WHRN: variants seen among roughly 807,000 people sequenced by gnomAD.
WHRN encodes the protein CASK-interacting protein CIP98.
WHRN carries 41 observed loss-of-function variants against 68.3 expected under a neutral mutation model. That is an observed-to-expected ratio of 0.60 (90% confidence interval 0.47 to 0.78). The LOEUF is 0.78. Ranked by LOEUF, WHRN falls within the 30% of genes least tolerant of loss-of-function variation. The pLI is 0.00. For synonymous variants in WHRN, 560 were observed against 561.3 expected (o/e 1.00, Z 0.03); for missense variants, 1,243 against 1,244.7 (o/e 1.00, Z 0.02).
chr9:114,439,947 C>T (rs1743893654), intron 3 of WHRN, among the ~76,000 whole-genome samples: 1 of 152,252 alleles, frequency 6.6e-6, no homozygotes, highest in Non-Finnish European at 1.5e-5. Context: ...CGGAGTCTCT[C>T]TGTCGCCCAG....
chr9:114,418,619 C>T (rs1262890035), intron 7 of WHRN, among the ~76,000 whole-genome samples: 1 of 152,234 alleles, frequency 6.6e-6, no homozygotes, highest in African/African-American at 2.4e-5. Flanking sequence ...TGCCCCCGTA[C>T]TCCCTCTGCT....
intron 1 of WHRN, among the ~76,000 whole-genome samples, chr9:114,489,480 G>A (rs10982250): frequency 2.0e-4 from 27 of 132,992 alleles, no homozygotes; most frequent in Admixed American, 9.1e-4. Flanking sequence ...ACACACACAC[G>A]CACACACACG....
intron 1 of WHRN, chr9:114,503,792 GAAAAACA>G (rs1331117407): frequency 8.3e-6 from 2 of 239,560 alleles, no homozygotes; most frequent in Non-Finnish European, 1.6e-5. Flanking sequence ...CTGTTTCAGG[GAAAAACA>G]AAAAACAAAA....
chr9:114,496,167 C>T (rs1211812838), intron 1 of WHRN, among the ~76,000 whole-genome samples: 1 of 152,088 alleles, frequency 6.6e-6, no homozygotes, highest in Non-Finnish European at 1.5e-5. Context: ...CTGGGGAGGC[C>T]ATCAGGGAAG....
In WHRN at chr9:114,505,182, C is replaced by A; in HGVS notation, c.-381G>T. The A allele has an allele frequency of 5.0e-6, 1 of 201,062 alleles. No individual in the cohort carries two copies. The highest frequency in any genetic ancestry group is 9.8e-6 in the Non-Finnish European group (1 of 101,634). The allele number at this position is 201,062 out of a possible 1,614,324, so 12.5% of individuals were successfully genotyped here. A position where few individuals can be genotyped will look rare whatever the true frequency, so the allele number is the denominator to read the frequency against. On this transcript the variant is annotated 5_prime_UTR_variant, in exon 1 of 12. Transcript: ENST00000362057. ...GACGGGTGGCTGGAGTTTGGGGGCGCCGCAAAGCTGACCTGACTGCCCCGT... is the reference window on the plus strand; with the variant it reads ...GACGGGTGGCTGGAGTTTGGGGGCGACGCAAAGCTGACCTGACTGCCCCGT...
intron 3 of WHRN, among the ~76,000 whole-genome samples, chr9:114,463,088 T>C (rs142516335): frequency 6.6e-6 from 1 of 152,360 alleles, no homozygotes; most frequent in African/African-American, 2.4e-5. Flanking sequence ...AAGGACACTA[T>C]GGCACCACAC....
intron 2 of WHRN, among the ~76,000 whole-genome samples, chr9:114,468,009 G>A (rs139414785): frequency 1.6e-4 from 25 of 152,316 alleles, no homozygotes; most frequent in African/African-American, 5.3e-4. Context: ...CCCTTTAAAT[G>A]TGTTATCTCA....
At chr9:114,451,532 T>C (rs1839332287) in intron 3 of WHRN, among the ~76,000 whole-genome samples, 2 of 152,148 alleles carry the variant, frequency 1.3e-5, no homozygotes, top group African/African-American at 2.4e-5. Flanking sequence ...ATCAGAAATA[T>C]CACTGTGGGG....
intron 1 of WHRN, among the ~76,000 whole-genome samples, chr9:114,480,414 G>C (rs371642075): frequency 5.9e-5 from 9 of 152,140 alleles, no homozygotes; most frequent in Non-Finnish European, 8.8e-5. Context: ...AGGCCTTTAG[G>C]GGGTAACTGG....
intron 1 of WHRN, among the ~76,000 whole-genome samples, chr9:114,499,785 C>T (rs1428605190): frequency 1.3e-5 from 2 of 152,154 alleles, no homozygotes; most frequent in Admixed American, 6.5e-5. Context: ...TCCAATTGGT[C>T]GGGGGGTTAA....
chr9:114,405,409 A>AT (rs1022614743), intron 9 of WHRN, among the ~76,000 whole-genome samples: 1 of 152,202 alleles, frequency 6.6e-6, no homozygotes, highest in African/African-American at 2.4e-5. Context: ...CAGTTTGTTC[A>AT]TTTGTAAAAT....
intron 7 of WHRN, among the ~76,000 whole-genome samples, chr9:114,415,289 A>G (rs1351804944): frequency 6.7e-6 from 1 of 150,016 alleles, no homozygotes; most frequent in Non-Finnish European, 1.5e-5. Context: ...AAAAAAAAAC[A>G]CAAACAGGAT....
chr9:114,482,533 TG>T (rs1202492435), intron 1 of WHRN, among the ~76,000 whole-genome samples: 1 of 151,954 alleles, frequency 6.6e-6, no homozygotes, highest in Non-Finnish European at 1.5e-5. Context: ...CAGGGCACCG[TG>T]GGTTAAATGA....
Position 114,480,050 on chromosome 9 carries a change from G to A in WHRN, c.619-1279C>T, listed in dbSNP as rs190962091. On this transcript the variant is annotated intron_variant, in intron 1 of 11. Coordinates refer to ENST00000362057, the MANE Select transcript of WHRN (RefSeq NM_015404.4). ...TGCACTCCAGCCTGGGCAACAGAATGAGACTCCTTCTCAAAAAAATAGTAA... is the reference window on the plus strand; with the variant it reads ...TGCACTCCAGCCTGGGCAACAGAATAAGACTCCTTCTCAAAAAAATAGTAA... 8.5e-5 allele frequency among the ~76,000 whole-genome samples: 13 copies of A among 152,202 alleles called. No individual in the cohort carries two copies. The East Asian group carries it at 2.3e-3, about 27-fold the overall frequency.
At chr9:114,432,065 T>C (rs1215717308) in intron 3 of WHRN, among the ~76,000 whole-genome samples, 1 of 152,182 alleles carries the variant, frequency 6.6e-6, no homozygotes, top group East Asian at 1.9e-4. Context: ...AAGGCAGCTT[T>C]ATTTTATTTG....
chr9:114,443,202 A>ATATTGTACACATCATATGAG (rs1476463064), intron 3 of WHRN, among the ~76,000 whole-genome samples: 3 of 152,240 alleles, frequency 2.0e-5, no homozygotes, highest in Non-Finnish European at 2.9e-5. Flanking sequence ...GGTGTTGGCA[A>ATATTGTACACATCATATGAG]TATTGTACAC....
chr9:114,483,973 TG>T (rs1216779447), intron 1 of WHRN, among the ~76,000 whole-genome samples: 1 of 152,226 alleles, frequency 6.6e-6, no homozygotes, highest in Non-Finnish European at 1.5e-5. Context: ...CTTCTGGGCC[TG>T]GAAAACTGTC....
chr9:114,504,441 G>A lies in WHRN; in HGVS notation c.361C>T (p.Pro121Ser). 10 of 1,607,274 alleles carry A rather than the reference G, an allele frequency of 6.2e-6. No individual in the cohort carries two copies. The highest frequency in any genetic ancestry group is 2.2e-5 in the East Asian group (1 of 44,874). Residue 121 changes from proline to serine, a missense_variant, in exon 1 of 12, where the codon CCC becomes TCC. Physicochemically the swap from Pro to Ser is moderately conservative, Grantham distance 74 (BLOSUM62 -1). Coordinates refer to ENST00000362057, the MANE Select transcript of WHRN (RefSeq NM_015404.4). Reference protein sequence around the residue: ...AEGLYLPATTPYRQPAWGGPD... With the variant: ...AEGLYLPATTSYRQPAWGGPD... ...CCGCCCCAGGCGGGCTGCCTGTAGG[G>A]GGTGGTGGCGGGCAGGTAGAGGCCC...
intron 1 of WHRN, among the ~76,000 whole-genome samples, chr9:114,502,030 G>A (rs1367889659): frequency 6.6e-6 from 1 of 152,092 alleles, no homozygotes; most frequent in African/African-American, 2.4e-5. Flanking sequence ...AAGAAGTTCC[G>A]CCTCCTCCAT....
Sources: gnomAD v4.1 joint callset for allele counts (sites outside exome capture counted in the v4.1 genomes callset) on GRCh38, gnomAD v4.1.1 for gene constraint, MANE v1.5 for transcripts, NCBI Gene and HGNC (gene_info 2026-07-23, HGNC 2026-07-21) for gene names.